Variants in TNFRSF25 observed in about 807,000 individuals in gnomAD.
TNFRSF25 encodes the protein tumor necrosis factor receptor superfamily member 25.
TNFRSF25 carries 28 observed loss-of-function variants against 49.4 expected under a neutral mutation model. The ratio of observed to expected loss-of-function variants is 0.57; its 90% CI spans 0.42 to 0.78. The LOEUF (loss-of-function observed/expected upper bound fraction) is 0.78. Among genes scored for constraint, TNFRSF25 ranks in the 30% least tolerant of loss-of-function variants. The pLI is 0.00. For missense variants in TNFRSF25, 531 were observed against 581.6 expected (o/e 0.91, Z 0.90); for synonymous variants, 240 against 234.2 (o/e 1.02, Z -0.23).
rs1644272856 is a variant in TNFRSF25 at position 6,464,368 on chromosome 1, G to C, written c.542+7C>G. The stretch of plus-strand genomic sequence containing the variant: ...CTTCCCTCCATCCCACGACAGCTAG[G>C]AATTACGTGGGGCAGGACACGCAGC... On this transcript the variant is annotated splice_region_variant and intron_variant, in intron 5 of 9. Coordinates refer to ENST00000356876, the MANE Select transcript of TNFRSF25 (RefSeq NM_003790.3). The C allele has an allele frequency of 6.2e-7, 1 of 1,604,298 alleles. No homozygotes were observed. The highest frequency in any genetic ancestry group is 1.7e-4 in the Middle Eastern group (1 of 5,968).
rs1644176436 is a variant in TNFRSF25 at position 6,461,673 on chromosome 1, T to G, written c.1015A>C (p.Met339Leu). 1 of 1,594,188 alleles carries G rather than the reference T, an allele frequency of 6.3e-7. No homozygotes were observed. The highest frequency in any genetic ancestry group is 1.3e-5 in the African/African-American group (1 of 74,676). Residue 339 changes from methionine (M) to leucine (L), a missense_variant, in exon 10 of 10, where the codon ATG (methionine) becomes CTG (leucine). Coordinates refer to ENST00000356876, the MANE Select transcript of TNFRSF25 (RefSeq NM_003790.3). This position sits in a 1 kb window ranked among gnomAD's most constrained non-coding sequence, Gnocchi z 6.3. ...LQPGPQLYDV[M>L]DAVPARRWKE... ...CAGCGCCGCGCTGGGACCGCGTCCA[T>G]CACGTCGTAGAGCTGCGGGCCCGGC...
chr1:6,464,829 A>G, intron 3 of TNFRSF25, 110 bp from the exon 4 acceptor site: 1 of 1,348,612 alleles, frequency 7.4e-7, no homozygotes, highest in South Asian at 1.3e-5. Flanking sequence ...TAGGCGAAAG[A>G]CAGACAGGTA....
At position 6,461,147 on chromosome 1, in the gene TNFRSF25, G is replaced by T; in HGVS notation, c.*287C>A. The T allele has an allele frequency of 1.5e-6, 1 of 656,950 alleles. No individual in the cohort carries two copies. Among genetic ancestry groups the T allele is most frequent in the Non-Finnish European group, 2.9e-6 (1 of 348,016 alleles). 40.7% of individuals were successfully genotyped at this position (656,950 alleles called of 1,614,324 possible). ...CCCAGCCCCGCAGAAACGCCAAGAA[G>T]CCGTTTTTGTTTTGTTTTGTTTTCT... On this transcript the variant is annotated 3_prime_UTR_variant, in exon 10 of 10. Coordinates refer to ENST00000356876, the MANE Select transcript of TNFRSF25 (RefSeq NM_003790.3). The surrounding 1 kb of genome is among the most constrained non-coding windows in gnomAD (Gnocchi z 6.3).
chr1:6,462,334 C>T lies in TNFRSF25; in HGVS notation c.745-160G>A. 1 of 1,170,492 alleles carries T rather than the reference C, an allele frequency of 8.5e-7. No individual in the cohort carries two copies. 72.5% of individuals were successfully genotyped at this position (1,170,492 alleles called of 1,614,324 possible). On this transcript the variant is annotated intron_variant, in intron 8 of 9. Transcript: ENST00000356876. The surrounding 1 kb of genome is among the most constrained non-coding windows in gnomAD (Gnocchi z 4.2). Reference sequence around the variant, plus strand: ...CTGCTCTCACTGTAGCCCAGCAGAACTCTTGCTTCTGCCTTGAGTCCCCTG... The same window carrying T: ...CTGCTCTCACTGTAGCCCAGCAGAATTCTTGCTTCTGCCTTGAGTCCCCTG...
chr1:6,462,301 A>G lies in TNFRSF25; in HGVS notation c.745-127T>C. 7.7e-7 allele frequency: 1 copy of G among 1,307,082 alleles called. No homozygotes were observed. 81.0% of individuals were successfully genotyped at this position (1,307,082 alleles called of 1,614,324 possible). On this transcript the variant is annotated intron_variant, in intron 8 of 9. Transcript: ENST00000356876. This position sits in a 1 kb window ranked among gnomAD's most constrained non-coding sequence, Gnocchi z 4.2. ...ACACCCCCGCAATGACACCTCCCAC[A>G]GTTGGCCCTGCTCTCACTGTAGCCC...
rs1370621572 is a variant in TNFRSF25 at position 6,461,356 on chromosome 1, T to C, written c.*78A>G. The C allele has an allele frequency of 2.1e-5, 31 of 1,455,334 alleles. No homozygotes were observed. The highest frequency in any genetic ancestry group is 2.7e-5 in the Non-Finnish European group (29 of 1,088,730). The allele number at this position is 1,455,334 out of a possible 1,614,324, so 90.2% of individuals were successfully genotyped here. A position where few individuals can be genotyped will look rare whatever the true frequency, so the allele number is the denominator to read the frequency against. Reference sequence around the variant, plus strand: ...CAGCGGCTTAATAAGTGACATAAAATGTCTACACGCATAAGTAACCGTACT... The same window carrying C: ...CAGCGGCTTAATAAGTGACATAAAACGTCTACACGCATAAGTAACCGTACT... On this transcript the variant is annotated 3_prime_UTR_variant, in exon 10 of 10. Coordinates refer to ENST00000356876, the MANE Select transcript of TNFRSF25 (RefSeq NM_003790.3). This position sits in a 1 kb window ranked among gnomAD's most constrained non-coding sequence, Gnocchi z 6.3.
Position 6,462,258 on chromosome 1 carries a change from C to A in TNFRSF25, c.745-84G>T. The stretch of plus-strand genomic sequence containing the variant: ...CAGTGCCTCTCCAGGAGGGGACAGT[C>A]CCTGGTTCAGTCAGCAGACACCCCC... On this transcript the variant is annotated intron_variant, in intron 8 of 9. Coordinates refer to ENST00000356876, the MANE Select transcript of TNFRSF25 (RefSeq NM_003790.3). The surrounding 1 kb of genome is among the most constrained non-coding windows in gnomAD (Gnocchi z 4.2). 6.7e-7 allele frequency: 1 copy of A among 1,493,708 alleles called. No individual in the cohort carries two copies. The allele number at this position is 1,493,708 out of a possible 1,614,324, so 92.5% of individuals were successfully genotyped here. A position where few individuals can be genotyped will look rare whatever the true frequency, so the allele number is the denominator to read the frequency against.
chr1:6,461,598 C>T lies in TNFRSF25; in HGVS notation c.1090G>A (p.Val364Met). ...LGLREAEIEAVEVEIGRFRDQ... is the reference protein window; with the variant it reads ...LGLREAEIEAMEVEIGRFRDQ... ...CGGAAGCGGCCGATCTCCACCTCCA[C>T]GGCTTCGATCTCTGCCTCGCGCAGC... Residue 364 changes from valine (V) to methionine (M), a missense_variant, in exon 10 of 10, where the codon GTG becomes ATG. Transcript: ENST00000356876. This position sits in a 1 kb window ranked among gnomAD's most constrained non-coding sequence, Gnocchi z 6.3. 6.2e-7 allele frequency: 1 copy of T among 1,610,292 alleles called. No homozygotes were observed. Among genetic ancestry groups the T allele is most frequent in the Non-Finnish European group, 8.5e-7 (1 of 1,179,400 alleles).
At position 6,462,879 on chromosome 1, in the gene TNFRSF25, G is replaced by T. The variant is rs891581858; in HGVS notation, c.690C>A (p.His230Gln). The T allele has an allele frequency of 2.5e-6, 4 of 1,608,454 alleles. No individual in the cohort carries two copies. The highest frequency in any genetic ancestry group is 3.4e-6 in the Non-Finnish European group (4 of 1,177,512). Residue 230 changes from histidine (H) to glutamine (Q), a missense_variant, in exon 7 of 10, where the codon CAC becomes CAA. Coordinates refer to ENST00000356876, the MANE Select transcript of TNFRSF25 (RefSeq NM_003790.3). The surrounding 1 kb of genome is among the most constrained non-coding windows in gnomAD (Gnocchi z 4.2). Reference protein sequence around the residue: ...LTYTYRHCWPHKPLVTADEAG... With the variant: ...LTYTYRHCWPQKPLVTADEAG... ...TGTACTTACCAGTAACCAGGGGCTTGTGAGGCCAGCAGTGGCGGTATGTGT... is the reference window on the plus strand; with the variant it reads ...TGTACTTACCAGTAACCAGGGGCTTTTGAGGCCAGCAGTGGCGGTATGTGT...
Position 6,460,854 on chromosome 1 carries a change from T to G in TNFRSF25, c.*580A>C. On this transcript the variant is annotated 3_prime_UTR_variant, in exon 10 of 10. Coordinates refer to ENST00000356876, the MANE Select transcript of TNFRSF25 (RefSeq NM_003790.3). The stretch of plus-strand genomic sequence containing the variant: ...AATAGAGGATGAGGGGCCCTGACCC[T>G]GTGTCTCCAACTGCTGCACCCCATC... 1 of 299,984 alleles carries G rather than the reference T, an allele frequency of 3.3e-6. No homozygotes were observed. The highest frequency in any genetic ancestry group is 6.5e-6 in the Non-Finnish European group (1 of 152,888). The allele number at this position is 299,984 out of a possible 1,614,324, so 18.6% of individuals were successfully genotyped here. A position where few individuals can be genotyped will look rare whatever the true frequency, so the allele number is the denominator to read the frequency against.
In TNFRSF25 at chr1:6,464,358, C is replaced by A. The variant is rs753562897; in HGVS notation, c.542+17G>T. The stretch of plus-strand genomic sequence containing the variant: ...CCCAGCCGCCCTTCCCTCCATCCCA[C>A]GACAGCTAGGAATTACGTGGGGCAG... On this transcript the variant is annotated intron_variant, in intron 5 of 9. Coordinates refer to ENST00000356876, the MANE Select transcript of TNFRSF25 (RefSeq NM_003790.3). 1.6e-5 allele frequency: 26 copies of A among 1,597,384 alleles called. No individual in the cohort carries two copies. The highest frequency in any genetic ancestry group is 2.1e-5 in the Non-Finnish European group (25 of 1,172,466).
At position 6,462,230 on chromosome 1, in the gene TNFRSF25, C is replaced by G; in HGVS notation, c.745-56G>C. 12 of 1,542,414 alleles carry G rather than the reference C, an allele frequency of 7.8e-6. No individual in the cohort carries two copies. Among genetic ancestry groups the G allele is most frequent in the Admixed American group, 2.0e-5 (1 of 49,724 alleles). ...CTGCTTGCCAAGTAAGGCCCCTTAC[C>G]CGCAGTGCCTCTCCAGGAGGGGACA... is the stretch of plus-strand genomic sequence containing the variant. On this transcript the variant is annotated intron_variant, in intron 8 of 9. Coordinates refer to ENST00000356876, the MANE Select transcript of TNFRSF25 (RefSeq NM_003790.3). This position sits in a 1 kb window ranked among gnomAD's most constrained non-coding sequence, Gnocchi z 4.2.
At chr1:6,465,017 C>T in intron 3 of TNFRSF25, 71 bp downstream of exon 3, 1 of 1,556,298 alleles carries the variant, frequency 6.4e-7, no homozygotes. Context: ...AAGTTTGGGC[C>T]CGAGCCAGCC....
chr1:6,461,417 G>T lies in TNFRSF25; in HGVS notation c.*17C>A. On this transcript the variant is annotated 3_prime_UTR_variant, in exon 10 of 10. Transcript: ENST00000356876. The surrounding 1 kb of genome is among the most constrained non-coding windows in gnomAD (Gnocchi z 6.3). ...GCAAGGGCCACCAGAGCGCCTAGGT[G>T]GCAAGTGGGCGCCGTGTCACGGGCC... is the stretch of plus-strand genomic sequence containing the variant. 1 of 1,487,010 alleles carries T rather than the reference G, an allele frequency of 6.7e-7. No individual in the cohort carries two copies. Among genetic ancestry groups the T allele is most frequent in the Non-Finnish European group, 8.9e-7 (1 of 1,119,712 alleles). The allele number at this position is 1,487,010 out of a possible 1,614,324, so 92.1% of individuals were successfully genotyped here. A position where few individuals can be genotyped will look rare whatever the true frequency, so the allele number is the denominator to read the frequency against.
intron 1 of TNFRSF25, chr1:6,465,840 G>T: frequency 1.4e-6 from 2 of 1,425,174 alleles, no homozygotes; most frequent in South Asian, 1.5e-5. Flanking sequence ...CTTTCTGTTG[G>T]GGGAGGGACA....
intron 1 of TNFRSF25, 175 bp downstream of exon 1, chr1:6,465,894 G>T: frequency 7.0e-7 from 1 of 1,421,508 alleles, no homozygotes; most frequent in Non-Finnish European, 9.2e-7. Context: ...CCTGGGAGGG[G>T]TTTCCTCTCA....
chr1:6,465,949 G>A (rs1446091008), intron 1 of TNFRSF25, 120 bp downstream of exon 1: 13 of 1,460,768 alleles, frequency 8.9e-6, no homozygotes, highest in Non-Finnish European at 1.1e-5. Flanking sequence ...AGATCGGAAA[G>A]GGCGGCCAAC....
chr1:6,465,992 G>T, intron 1 of TNFRSF25, 77 bp downstream of exon 1: 2 of 1,518,606 alleles, frequency 1.3e-6, no homozygotes, highest in Admixed American at 4.2e-5. Context: ...GTGGAGACGC[G>T]CCCGGGGCCC....
In TNFRSF25 at chr1:6,462,163, C is replaced by T; in HGVS notation, c.756G>A (p.Leu252=). 5.0e-6 allele frequency: 8 copies of T among 1,602,894 alleles called. No homozygotes were observed. The highest frequency in any genetic ancestry group is 6.8e-6 in the Non-Finnish European group (8 of 1,174,666). ...GGGTGTGGGCGCTGTCCAAGGGTGA[C>T]AGATGGGTGGCCTGGAAGCCAAGAG... ...EALTPPPATH[L]SPLDSAHTLL... Residue 252 remains leucine (L), a synonymous_variant, in exon 9 of 10, where the codon CTG becomes CTA. Transcript: ENST00000356876. This position sits in a 1 kb window ranked among gnomAD's most constrained non-coding sequence, Gnocchi z 4.2.
Sources: allele counts gnomAD v4.1 joint callset, GRCh38; gene constraint gnomAD v4.1.1; non-coding constraint Gnocchi (gnomAD v3.1); transcripts MANE v1.5; gene names NCBI Gene and HGNC (gene_info 2026-07-23, HGNC 2026-07-21).